The following TMEM43 variants were observed in gnomAD, a reference collection of about 807,000 sequenced individuals.
TMEM43 encodes the protein arrhythmogenic right ventricular dysplasia 5.
In TMEM43, 45 loss-of-function variants were observed where a neutral mutation model predicts 49.6. That is an observed-to-expected ratio of 0.91 (90% CI 0.71 to 1.16). The LOEUF is 1.16. TMEM43 is among the 50% of genes most tolerant of loss of function. TMEM43 has a pLI of 0.00. For synonymous variants in TMEM43, 199 were observed against 207.8 expected, an observed-to-expected ratio of 0.96 and a Z score of 0.36; for missense variants, 532 against 516.6, an observed-to-expected ratio of 1.03 and a Z score of -0.29.
intron 1 of TMEM43, 78 bp from the exon 2 acceptor site, chr3:14,129,334 A>AATTTT: frequency 1.2e-6 from 1 of 849,710 alleles, no homozygotes; most frequent in Non-Finnish European, 1.7e-6. Flanking sequence ...AAAAAAAAAA[A>AATTTT]TTGAGTATAA....
rs185167296 is a variant in TMEM43, at chr3:14,136,655, G to C, written c.882+747G>C. Among the ~76,000 whole-genome samples, 394 of 152,192 alleles carry C rather than the reference G, an allele frequency of 2.6e-3. 4 individuals are homozygous for C. Among genetic ancestry groups the C allele is most frequent in the African/African-American group, 9.1e-3 (376 of 41,522 alleles). ...GGCACGAAAGGGTTCACCTTCTAAG[G>C]GGGCACCCGGAGTGCTGTGGCCACA... On this transcript the variant is annotated intron_variant, in intron 10 of 11. Transcript: ENST00000306077.
intron 10 of TMEM43, among the ~76,000 whole-genome samples, chr3:14,136,318 G>A (rs1695169450): frequency 1.3e-5 from 2 of 152,214 alleles, no homozygotes; most frequent in Non-Finnish European, 2.9e-5. Flanking sequence ...CAGCATTTGG[G>A]TTTTTGGATT....
intron 11 of TMEM43, among the ~76,000 whole-genome samples, chr3:14,140,956 C>G (rs781297041): frequency 6.6e-6 from 1 of 152,172 alleles, no homozygotes; most frequent in Non-Finnish European, 1.5e-5. Flanking sequence ...GAGTGGACAT[C>G]AGCTATGGAA....
Position 14,129,617 on chromosome 3 carries a change from C to G in TMEM43, c.162+56C>G, listed in dbSNP as rs922478082. ...TGAGAGTCCCCACCATGTCAGAGAG[C>G]AAAGGCGATGAACCCGGAGGCTGGA... On this transcript the variant is annotated intron_variant, in intron 2 of 11. Transcript: ENST00000306077. 91 of 1,599,404 alleles carry G rather than the reference C, an allele frequency of 5.7e-5. No individual in the cohort carries two copies. The African/African-American group carries it at 1.0e-3, about 18-fold the overall frequency.
chr3:14,141,707 G>A lies in TMEM43; in HGVS notation c.1115G>A (p.Arg372Gln), dbSNP rs749140979. 9.9e-6 allele frequency: 16 copies of A among 1,613,920 alleles called. 1 individual carries two copies. Among genetic ancestry groups the A allele is most frequent in the South Asian group, 9.9e-5 (9 of 91,066 alleles). ...LTVAAGWLFYRPLWALLIAGL... is the reference protein window; with the variant it reads ...LTVAAGWLFYQPLWALLIAGL... ...GTGGCGGCTGGCTGGCTCTTCTACC[G>A]ACCCCTGTGGGCCCTCCTCATTGCC... The change falls in exon 12 of 12, where the codon CGA (arginine) becomes CAA (glutamine). Residue 372 changes from arginine (R) to glutamine (Q), a missense_variant. Physicochemically the swap from Arg to Gln is conservative, Grantham distance 43. Transcript: ENST00000306077.
chr3:14,139,316 C>T lies in TMEM43; in HGVS notation c.1000+19C>T. The T allele has an allele frequency of 6.5e-7, 1 of 1,548,574 alleles. No homozygotes were observed. Among genetic ancestry groups the T allele is most frequent in the Non-Finnish European group, 8.9e-7 (1 of 1,120,056 alleles). On this transcript the variant is annotated intron_variant, in intron 11 of 11. Coordinates refer to ENST00000306077, the MANE Select transcript of TMEM43 (RefSeq NM_024334.3). ...ACCTTGGGTAGGTGTTGGGGTGGGT[C>T]ACTGCCCTCCCTCCTGCACCCTGAA...
intron 11 of TMEM43, among the ~76,000 whole-genome samples, chr3:14,140,422 G>A (rs1299931571): frequency 6.6e-6 from 1 of 152,160 alleles, no homozygotes; most frequent in Admixed American, 6.5e-5. Flanking sequence ...GACTTAGAGT[G>A]TGGAGGGACC....
At chr3:14,130,339 A>T (rs576449068) in intron 2 of TMEM43, among the ~76,000 whole-genome samples, 5 of 152,194 alleles carry the variant, frequency 3.3e-5, no homozygotes, top group Admixed American at 2.6e-4. Flanking sequence ...ACATGGGCTG[A>T]GTAGGAGAGA....
intron 6 of TMEM43, 140 bp downstream of exon 6, chr3:14,133,075 C>G (rs1028299336): frequency 2.3e-5 from 17 of 751,166 alleles, no homozygotes; most frequent in Non-Finnish European, 3.7e-5. Flanking sequence ...TGAGACCAAG[C>G]CCTGTGCTGG....
intron 6 of TMEM43, among the ~76,000 whole-genome samples, chr3:14,133,198 G>A (rs575962784): frequency 5.3e-5 from 8 of 152,298 alleles, no homozygotes; most frequent in East Asian, 1.9e-4. Context: ...ACACGGGGCC[G>A]GGGAAGCATT....
At chr3:14,141,324 T>TA in intron 11 of TMEM43, among the ~76,000 whole-genome samples, 1 of 152,276 alleles carries the variant, frequency 6.6e-6, no homozygotes, top group East Asian at 1.9e-4. Flanking sequence ...CATAAAGTAT[T>TA]AAAGTTTACA....
intron 5 of TMEM43, 90 bp downstream of exon 5, chr3:14,132,685 A>G (rs964082657): frequency 2.0e-6 from 3 of 1,499,396 alleles, no homozygotes; most frequent in South Asian, 2.3e-5. Context: ...GGCCATGGGA[A>G]GGATTCAGCA....
In TMEM43 at chr3:14,137,538, A is replaced by C. The variant is rs116467007; in HGVS notation, c.882+1630A>C. 6.1e-3 allele frequency among the ~76,000 whole-genome samples: 931 copies of C among 152,164 alleles called. 7 individuals carry two copies. The highest frequency in any genetic ancestry group is 0.021 in the African/African-American group (877 of 41,514). Reference sequence around the variant, plus strand: ...CCAGCCCAGCCCCCACCCCCACACAAGGTCTGGGGTCTCTGCCAAGTAGAA... The same window carrying C: ...CCAGCCCAGCCCCCACCCCCACACACGGTCTGGGGTCTCTGCCAAGTAGAA... On this transcript the variant is annotated intron_variant, in intron 10 of 11. Transcript: ENST00000306077.
At chr3:14,135,991 A>G (rs780997037) in intron 10 of TMEM43, 83 bp downstream of exon 10, 2 of 1,179,156 alleles carry the variant, frequency 1.7e-6, no homozygotes, top group Admixed American at 3.4e-5. Context: ...AGATCACACT[A>G]CCAGGGGTCA....
rs747252111 is a variant in TMEM43 at position 14,130,895 on chromosome 3, G to A, written c.236G>A (p.Ser79Asn). 3 of 1,613,606 alleles carry A rather than the reference G, an allele frequency of 1.9e-6. No individual in the cohort carries two copies. Among genetic ancestry groups the A allele is most frequent in the East Asian group, 4.5e-5 (2 of 44,892 alleles). The change falls in exon 3 of 12, where the codon AGT (serine) becomes AAT (asparagine). Residue 79 changes from serine (S) to asparagine (N), a missense_variant. Physicochemically the swap from Ser to Asn is conservative, Grantham distance 46. Transcript: ENST00000306077. Reference sequence around the variant, plus strand: ...GTGGTGTCTCCCGACAGCATCCACAGTGTGGCTCCGGAGAATGAAGGAAGG... The same window carrying A: ...GTGGTGTCTCCCGACAGCATCCACAATGTGGCTCCGGAGAATGAAGGAAGG... ...SLVVSPDSIH[S>N]VAPENEGRLV...
Position 14,141,738 on chromosome 3 carries a change from G to C in TMEM43, c.1146G>C (p.Leu382=). The part of the protein sequence containing the change: ...RPLWALLIAG[L]ALVPILVART... ...TGTGGGCCCTCCTCATTGCCGGCCT[G>C]GCCCTTGTGCCCATCCTTGTTGCTC... The change falls in exon 12 of 12, where the codon CTG becomes CTC. Residue 382 remains leucine, a synonymous_variant. Coordinates refer to ENST00000306077, the MANE Select transcript of TMEM43 (RefSeq NM_024334.3). 1 of 1,614,166 alleles carries C rather than the reference G, an allele frequency of 6.2e-7. No individual in the cohort carries two copies. The highest frequency in any genetic ancestry group is 8.5e-7 in the Non-Finnish European group (1 of 1,180,042).
In TMEM43 at chr3:14,132,879, G is replaced by A. The variant is rs1303248914; in HGVS notation, c.456G>A (p.Arg152=). Residue 152 remains arginine (R), a synonymous_variant, in exon 6 of 12, where the codon AGG becomes AGA. Coordinates refer to ENST00000306077, the MANE Select transcript of TMEM43 (RefSeq NM_024334.3). ...ETRYSYNTEW[R]SEIINSKNFD... ...CTCCCTGAGCAGACACTGAATGGAG[G>A]TCAGAAATCATCAACAGCAAAAACT... 6.2e-7 allele frequency: 1 copy of A among 1,614,076 alleles called. No homozygotes were observed. The highest frequency in any genetic ancestry group is 1.1e-5 in the South Asian group (1 of 91,064).
chr3:14,128,207 A>C (rs1695044042), intron 1 of TMEM43, among the ~76,000 whole-genome samples: 1 of 152,178 alleles, frequency 6.6e-6, no homozygotes, highest in Non-Finnish European at 1.5e-5. Context: ...CCTGCCCTAG[A>C]CGATGACACT....
intron 9 of TMEM43, among the ~76,000 whole-genome samples, chr3:14,135,543 G>T (rs571850819): frequency 1.3e-5 from 2 of 152,164 alleles, no homozygotes; most frequent in Non-Finnish European, 2.9e-5. Flanking sequence ...TTGGTCTTGC[G>T]TTCCTGGCCT....
Sources: gnomAD v4.1 joint callset for allele counts (sites outside exome capture counted in the v4.1 genomes callset) on GRCh38, gnomAD v4.1.1 for gene constraint, MANE v1.5 for transcripts, NCBI Gene and HGNC (gene_info 2026-07-23, HGNC 2026-07-21) for gene names.